The following SYNE1 variants were observed in gnomAD, a reference collection of about 807,000 sequenced individuals.
SYNE1 encodes the protein nesprin-1.
SYNE1 carries 616 observed loss-of-function variants against 1,111.0 expected under a neutral mutation model. The observed-to-expected ratio is 0.55, with a 90% CI of 0.52 to 0.59. The LOEUF is 0.59. SYNE1 is among the 20% of genes least tolerant of loss of function. The probability of loss-of-function intolerance (pLI) is 0.00; values close to 1 mark genes in which losing one functional copy is unlikely to be tolerated. For synonymous variants in SYNE1, 3,855 were observed against 3,825.8 expected (o/e 1.01, Z -0.28); for missense variants, 10,006 against 10,417.0 (o/e 0.96, Z 1.72).
At chr6:152,313,653 G>A (rs1030641627) in intron 87 of SYNE1, among the ~76,000 whole-genome samples, 1 of 151,868 alleles carries the variant, frequency 6.6e-6, no homozygotes, top group African/African-American at 2.4e-5. Context: ...AGTAGAGAAT[G>A]GGGTTTCACT....
chr6:152,349,072 A>G (rs1459484467), intron 72 of SYNE1, among the ~76,000 whole-genome samples: 1 of 152,220 alleles, frequency 6.6e-6, no homozygotes, highest in Non-Finnish European at 1.5e-5. Context: ...TTTCTTATAG[A>G]CAGAAATGTT....
chr6:152,465,612 G>A lies in SYNE1; in HGVS notation c.1730-152C>T, dbSNP rs7762190. 0.47 allele frequency: 346,758 copies of A among 743,488 alleles called. 87,086 individuals carry two copies. Among genetic ancestry groups the A allele is most frequent in the East Asian group, 0.78 (28,846 of 37,142 alleles). 46.1% of individuals were successfully genotyped at this position (743,488 alleles called of 1,614,324 possible). A position where few individuals can be genotyped will look rare whatever the true frequency, so the allele number is the denominator to read the frequency against. On this transcript the variant is annotated intron_variant, in intron 17 of 145. Transcript: ENST00000367255. ...AATATGACAGACATAATTACAAATGGAAAACAAATGTATTTTACAAATTGT... is the reference window on the plus strand; with the variant it reads ...AATATGACAGACATAATTACAAATGAAAAACAAATGTATTTTACAAATTGT...
chr6:152,427,307 A>G (rs1425499620), intron 38 of SYNE1, among the ~76,000 whole-genome samples: 1 of 152,332 alleles, frequency 6.6e-6, no homozygotes, highest in East Asian at 1.9e-4. Context: ...CAAACGTCAT[A>G]TAATTACAAA....
At chr6:152,280,125 G>A (rs977758538) in intron 97 of SYNE1, among the ~76,000 whole-genome samples, 1 of 152,160 alleles carries the variant, frequency 6.6e-6, no homozygotes, top group African/African-American at 2.4e-5. Context: ...AGGACATCAC[G>A]TGGTTCCAAT....
chr6:152,318,025 C>T (rs1002287562), intron 86 of SYNE1, 56 bp downstream of exon 86: 36 of 1,600,884 alleles, frequency 2.2e-5, no homozygotes, highest in Non-Finnish European at 3.0e-5. Context: ...AAGAGAAAAG[C>T]AGAACATGGA....
intron 39 of SYNE1, among the ~76,000 whole-genome samples, chr6:152,421,559 C>A (rs1408118265): frequency 1.3e-5 from 2 of 151,892 alleles, no homozygotes; most frequent in Non-Finnish European, 2.9e-5. Flanking sequence ...TAACTTTGTT[C>A]ATTGTTTTTG....
intron 82 of SYNE1, among the ~76,000 whole-genome samples, 170 bp downstream of exon 82, chr6:152,323,308 G>A (rs2095935823): frequency 6.6e-6 from 1 of 152,164 alleles, no homozygotes; most frequent in African/African-American, 2.4e-5. Context: ...CGTGGTGGCG[G>A]GCGCCTGTAG....
At chr6:152,164,689 G>A (rs1472331525) in intron 130 of SYNE1, among the ~76,000 whole-genome samples, 4 of 152,194 alleles carry the variant, frequency 2.6e-5, no homozygotes, top group Non-Finnish European at 5.9e-5. Flanking sequence ...TCCCTGTTAA[G>A]AGCCTGACAT....
intron 139 of SYNE1, 93 bp from the exon 140 acceptor site, chr6:152,140,254 T>C (rs1303010718): frequency 9.4e-6 from 12 of 1,280,350 alleles, no homozygotes; most frequent in African/African-American, 1.5e-5. Context: ...CAATTTTAAA[T>C]AGCAACAGAA....
chr6:152,142,627 AT>A (rs1179932557), intron 138 of SYNE1, among the ~76,000 whole-genome samples: 1 of 152,182 alleles, frequency 6.6e-6, no homozygotes, highest in African/African-American at 2.4e-5. Context: ...TGTTATTCTG[AT>A]TACTTTTGAT....
chr6:152,465,110 C>T (rs185041876), intron 18 of SYNE1, 148 bp downstream of exon 18: 13 of 821,300 alleles, frequency 1.6e-5, no homozygotes, highest in Non-Finnish European at 2.0e-5. Context: ...TGGTCTGTTG[C>T]TAACCTGAAA....
At chr6:152,570,378 G>A (rs1018680029) in intron 3 of SYNE1, among the ~76,000 whole-genome samples, 1 of 152,120 alleles carries the variant, frequency 6.6e-6, no homozygotes, top group African/African-American at 2.4e-5. Context: ...TTCCTTCTCT[G>A]TGTATAATAT....
chr6:152,293,885 G>A, intron 94 of SYNE1, 75 bp downstream of exon 94: 2 of 1,609,306 alleles, frequency 1.2e-6, no homozygotes, highest in East Asian at 2.2e-5. Flanking sequence ...TAAACTCTCT[G>A]CATGTATTTC....
intron 14 of SYNE1, among the ~76,000 whole-genome samples, chr6:152,478,090 A>T (rs1257225364): frequency 6.6e-6 from 1 of 152,192 alleles, no homozygotes; most frequent in East Asian, 1.9e-4. Flanking sequence ...GGGTAAAGGG[A>T]CAACTATGTG....
intron 3 of SYNE1, among the ~76,000 whole-genome samples, chr6:152,624,245 C>T (rs1360532385): frequency 6.6e-6 from 1 of 152,098 alleles, no homozygotes; most frequent in African/African-American, 2.4e-5. Flanking sequence ...CTGGCATTTA[C>T]CACTTTTTCT....
chr6:152,223,489 A>C (rs2080705301), intron 117 of SYNE1, among the ~76,000 whole-genome samples: 1 of 152,106 alleles, frequency 6.6e-6, no homozygotes, highest in Non-Finnish European at 1.5e-5. Flanking sequence ...GCATGGAGGC[A>C]CATGCCGTAA....
intron 3 of SYNE1, among the ~76,000 whole-genome samples, chr6:152,590,253 AT>A (rs926778213): frequency 6.6e-6 from 1 of 151,770 alleles, no homozygotes; most frequent in Non-Finnish European, 1.5e-5. Flanking sequence ...TCTTATTACT[AT>A]AACTTTGTAA....
chr6:152,432,943 C>T (rs147438356), intron 34 of SYNE1, among the ~76,000 whole-genome samples: 1 of 152,068 alleles, frequency 6.6e-6, no homozygotes, highest in Non-Finnish European at 1.5e-5. Flanking sequence ...ATCTGCACAG[C>T]GGGTAATCTT....
At chr6:152,577,140 T>C (rs137983117) in intron 3 of SYNE1, among the ~76,000 whole-genome samples, 34 of 152,340 alleles carry the variant, frequency 2.2e-4, no homozygotes, top group Admixed American at 1.1e-3. Flanking sequence ...TAAAACTTGC[T>C]GTTGCAAGTG....
Sources: gnomAD v4.1 joint callset for allele counts (sites outside exome capture counted in the v4.1 genomes callset) on GRCh38, gnomAD v4.1.1 for gene constraint, MANE v1.5 for transcripts, NCBI Gene and HGNC (gene_info 2026-07-23, HGNC 2026-07-21) for gene names.